The following TMEM132D variants were observed in gnomAD, a reference collection of about 807,000 sequenced individuals.
TMEM132D encodes the protein transmembrane protein 132D.
Under a neutral mutation model 62.3 loss-of-function variants are expected in TMEM132D, and 21 were observed. The observed-to-expected ratio is 0.34, with a 90% CI of 0.24 to 0.49. The LOEUF (loss-of-function observed/expected upper bound fraction) is 0.49. Among genes scored for constraint, TMEM132D ranks in the 20% least tolerant of loss-of-function variants. The pLI is 0.99. For missense variants in TMEM132D, 1,346 were observed against 1,402.8 expected (o/e 0.96, Z 0.65); for synonymous variants, 621 against 575.6 (o/e 1.08, Z -1.13).
At chr12:129,820,046 C>G (rs888355684) in intron 1 of TMEM132D, among the ~76,000 whole-genome samples, 1 of 152,132 alleles carries the variant, frequency 6.6e-6, no homozygotes, top group African/African-American at 2.4e-5. Flanking sequence ...CCTCCTCCTC[C>G]CCTGGTTCCT....
intron 5 of TMEM132D, among the ~76,000 whole-genome samples, chr12:129,089,303 G>A (rs1414340983): frequency 2.3e-5 from 1 of 44,002 alleles, no homozygotes; most frequent in Non-Finnish European, 3.8e-5. Context: ...CTCTATGACC[G>A]GGTGTCCTCC....
At chr12:129,329,152 C>A (rs1469390035) in intron 4 of TMEM132D, among the ~76,000 whole-genome samples, 1 of 151,990 alleles carries the variant, frequency 6.6e-6, no homozygotes, top group Non-Finnish European at 1.5e-5. Flanking sequence ...GACCTCATCT[C>A]CTCCATATAT....
At chr12:129,847,023 G>A (rs753946630) in intron 1 of TMEM132D, among the ~76,000 whole-genome samples, 2 of 152,166 alleles carry the variant, frequency 1.3e-5, no homozygotes, top group Non-Finnish European at 2.9e-5. Flanking sequence ...TGTGGATTAC[G>A]TTAATTTACC....
intron 3 of TMEM132D, among the ~76,000 whole-genome samples, chr12:129,506,349 A>C (rs1410094117): frequency 6.6e-6 from 1 of 152,208 alleles, no homozygotes; most frequent in East Asian, 1.9e-4. Flanking sequence ...ACACAACTGG[A>C]AAATACAATC....
intron 5 of TMEM132D, among the ~76,000 whole-genome samples, chr12:129,144,912 AT>A (rs1876847874): frequency 1.3e-5 from 2 of 151,766 alleles, no homozygotes; most frequent in Non-Finnish European, 2.9e-5. Flanking sequence ...CTATCTATCT[AT>A]CTATCTATCT....
intron 3 of TMEM132D, among the ~76,000 whole-genome samples, chr12:129,480,207 G>C (rs887619565): frequency 3.9e-5 from 6 of 152,248 alleles, no homozygotes; most frequent in Non-Finnish European, 7.3e-5. Context: ...GCAAGGGAGA[G>C]GAAGAAGGTG....
chr12:129,809,216 G>A (rs2137314115), intron 1 of TMEM132D, among the ~76,000 whole-genome samples: 1 of 151,584 alleles, frequency 6.6e-6, no homozygotes, highest in South Asian at 2.1e-4. Flanking sequence ...GCTGAGGCAG[G>A]AGAATCGCTT....
intron 3 of TMEM132D, among the ~76,000 whole-genome samples, chr12:129,405,296 T>C (rs1334045280): frequency 6.6e-6 from 1 of 151,850 alleles, no homozygotes; most frequent in Non-Finnish European, 1.5e-5. Flanking sequence ...CTGGTGTCTC[T>C]CCTTATAAGG....
intron 3 of TMEM132D, among the ~76,000 whole-genome samples, chr12:129,361,056 C>T (rs1364680270): frequency 3.3e-5 from 5 of 152,088 alleles, no homozygotes; most frequent in Non-Finnish European, 7.4e-5. Flanking sequence ...CAAAGCAGTC[C>T]CCTTGAGTCC....
At chr12:129,594,907 T>C (rs1166312611) in intron 2 of TMEM132D, among the ~76,000 whole-genome samples, 4 of 152,300 alleles carry the variant, frequency 2.6e-5, no homozygotes, top group Admixed American at 1.3e-4. Context: ...CACTCAGGAA[T>C]GAACACAATG....
At chr12:129,801,650 C>T (rs1267395352) in intron 1 of TMEM132D, among the ~76,000 whole-genome samples, 43 of 151,826 alleles carry the variant, frequency 2.8e-4, no homozygotes, top group Admixed American at 1.9e-3. Flanking sequence ...TCCAAAGGAA[C>T]GCAGTTCCTC....
chr12:129,278,836 G>C (rs182563766), intron 4 of TMEM132D, among the ~76,000 whole-genome samples: 3 of 152,254 alleles, frequency 2.0e-5, no homozygotes, highest in African/African-American at 7.2e-5. Context: ...TTAATTTGGG[G>C]CAATATTTAG....
At chr12:129,471,260 C>G (rs1001767012) in intron 3 of TMEM132D, among the ~76,000 whole-genome samples, 1 of 149,874 alleles carries the variant, frequency 6.7e-6, no homozygotes, top group Non-Finnish European at 1.5e-5. Flanking sequence ...CTGCATTGAG[C>G]AAGTCTATCG....
At chr12:129,216,226 G>A (rs752603646) in intron 4 of TMEM132D, among the ~76,000 whole-genome samples, 19 of 152,208 alleles carry the variant, frequency 1.2e-4, no homozygotes, top group African/African-American at 4.3e-4. Context: ...TATTTGTAGA[G>A]TGTTTAGAAC....
intron 1 of TMEM132D, among the ~76,000 whole-genome samples, chr12:129,704,083 G>A (rs1033619336): frequency 4.6e-5 from 7 of 152,168 alleles, no homozygotes; most frequent in Admixed American, 4.6e-4. Flanking sequence ...ATTATGTTTT[G>A]ATTTCCAATA....
intron 2 of TMEM132D, among the ~76,000 whole-genome samples, chr12:129,620,632 T>C (rs1028203310): frequency 1.3e-5 from 2 of 152,158 alleles, no homozygotes; most frequent in Admixed American, 1.3e-4. Context: ...CATGGAATAC[T>C]ATGCAGCCAT....
intron 3 of TMEM132D, among the ~76,000 whole-genome samples, chr12:129,520,462 C>G (rs534078596): frequency 6.6e-6 from 1 of 152,294 alleles, no homozygotes; most frequent in South Asian, 2.1e-4. Flanking sequence ...ACTTCTAAAT[C>G]CAAATTGTCC....
chr12:129,776,874 T>C (rs985470582), intron 1 of TMEM132D, among the ~76,000 whole-genome samples: 1 of 147,082 alleles, frequency 6.8e-6, no homozygotes, highest in Admixed American at 6.8e-5. Context: ...AATCTGTTCC[T>C]TCTTTAGCTG....
chr12:129,799,756 G>T (rs1237055215), intron 1 of TMEM132D, among the ~76,000 whole-genome samples: 1 of 152,176 alleles, frequency 6.6e-6, no homozygotes, highest in African/African-American at 2.4e-5. Context: ...CAGGAAAACT[G>T]CCAGGACCCC....
Sources: gnomAD v4.1 joint callset for allele counts (sites outside exome capture counted in the v4.1 genomes callset) on GRCh38, gnomAD v4.1.1 for gene constraint, MANE v1.5 for transcripts, NCBI Gene and HGNC (gene_info 2026-07-23, HGNC 2026-07-21) for gene names.